ARPP21: variants seen among roughly 807,000 people sequenced by gnomAD.
The protein encoded by ARPP21 is cAMP-regulated phosphoprotein 21.
Under a neutral mutation model 113.2 loss-of-function variants are expected in ARPP21, and 69 were observed. That is an observed-to-expected ratio of 0.61 (90% confidence interval 0.50 to 0.74). ARPP21 has a LOEUF of 0.74. Among genes scored for constraint, ARPP21 ranks in the 30% least tolerant of loss-of-function variants. The pLI, the probability that ARPP21 is intolerant of heterozygous loss-of-function variation, is 0.00. For synonymous variants in ARPP21, 368 were observed against 375.5 expected, an observed-to-expected ratio of 0.98 and a Z score of 0.23; for missense variants, 1,070 against 1,037.4, an observed-to-expected ratio of 1.03 and a Z score of -0.43.
At chr3:35,674,564 G>A (rs940506562) in intron 1 of ARPP21, among the ~76,000 whole-genome samples, 3 of 151,774 alleles carry the variant, frequency 2.0e-5, no homozygotes, top group African/African-American at 7.3e-5. Context: ...ACTTTATCTG[G>A]GAATAATGCA....
intron 9 of ARPP21, among the ~76,000 whole-genome samples, chr3:35,701,602 T>C (rs1046183619): frequency 2.4e-4 from 37 of 151,718 alleles, no homozygotes; most frequent in Admixed American, 2.3e-3. Flanking sequence ...GCAATCTTTC[T>C]CTATAACATC....
At chr3:35,790,017 C>G (rs776942227) in intron 19 of ARPP21, among the ~76,000 whole-genome samples, 1 of 152,088 alleles carries the variant, frequency 6.6e-6, no homozygotes, top group African/African-American at 2.4e-5. Context: ...CTAAGCAACC[C>G]GCTTCTCTTT....
chr3:35,734,891 T>C (rs2094240832), intron 15 of ARPP21, among the ~76,000 whole-genome samples: 1 of 152,228 alleles, frequency 6.6e-6, no homozygotes, highest in African/African-American at 2.4e-5. Flanking sequence ...TGAAAATCAG[T>C]GTGACTTCAC....
At chr3:35,753,478 C>A (rs973163973) in intron 19 of ARPP21, among the ~76,000 whole-genome samples, 1 of 151,888 alleles carries the variant, frequency 6.6e-6, no homozygotes, top group Non-Finnish European at 1.5e-5. Context: ...TTCAGTTGTT[C>A]GGATGGCAGA....
chr3:35,704,463 G>T (rs1210148292), intron 9 of ARPP21, among the ~76,000 whole-genome samples: 1 of 151,732 alleles, frequency 6.6e-6, no homozygotes, highest in Non-Finnish European at 1.5e-5. Context: ...CCAAAACTAG[G>T]AAGGCCACGA....
At chr3:35,695,270 A>G (rs746650512) in intron 9 of ARPP21, among the ~76,000 whole-genome samples, 1 of 151,584 alleles carries the variant, frequency 6.6e-6, no homozygotes, top group East Asian at 1.9e-4. Flanking sequence ...AGGTTTCTGT[A>G]AATTACCTGA....
intron 18 of ARPP21, among the ~76,000 whole-genome samples, 161 bp from the exon 19 acceptor site, chr3:35,743,676 CTT>C (rs2094825552): frequency 6.6e-6 from 1 of 152,214 alleles, no homozygotes; most frequent in Non-Finnish European, 1.5e-5. Flanking sequence ...GATTTTGCCT[CTT>C]TACGGGAGAA....
chr3:35,746,329 G>A (rs546197940), intron 19 of ARPP21, among the ~76,000 whole-genome samples: 3 of 152,314 alleles, frequency 2.0e-5, no homozygotes, highest in South Asian at 2.1e-4. Flanking sequence ...GGGTCCTACA[G>A]CTGGGCGTCC....
chr3:35,737,280 C>T lies in ARPP21; in HGVS notation c.1562C>T (p.Pro521Leu), dbSNP rs774708704. 5.6e-6 allele frequency: 9 copies of T among 1,612,640 alleles called. No homozygotes were observed. The highest frequency in any genetic ancestry group is 3.3e-4 in the Middle Eastern group (2 of 6,060). ...SAMVGQSQQQ[P>L]PQQQPSPQPQ... ...ATGGTGGGGCAGTCCCAACAGCAGC[C>T]ACCACAGCAGCAGCCCTCCCCGCAG... The change falls in exon 16 of 21, where the codon CCA (proline) becomes CTA (leucine). Residue 521 changes from proline to leucine, a missense_variant. Coordinates refer to ENST00000684406, the MANE Select transcript of ARPP21 (RefSeq NM_001385562.1).
At chr3:35,690,799 TG>T in intron 8 of ARPP21, 65 bp from the exon 9 acceptor site, 1 of 1,448,532 alleles carries the variant, frequency 6.9e-7, no homozygotes, top group Non-Finnish European at 9.4e-7. Context: ...TGTGTATACT[TG>T]TAAAAAGGTA....
At chr3:35,760,540 T>TAA (rs371187130) in intron 19 of ARPP21, among the ~76,000 whole-genome samples, 20 of 143,832 alleles carry the variant, frequency 1.4e-4, no homozygotes, top group Admixed American at 1.0e-3. Flanking sequence ...AAGGAGGAGG[T>TAA]AAAAAAAAAA....
Position 35,756,840 on chromosome 3 carries a change from G to T in ARPP21, c.2137+12875G>T, listed in dbSNP as rs532180755. ...CAGATTAAAACCAAAAGCACACCTTGCAGAATGCAGGATATTGCAGTAGAA... is the reference window on the plus strand; with the variant it reads ...CAGATTAAAACCAAAAGCACACCTTTCAGAATGCAGGATATTGCAGTAGAA... On this transcript the variant is annotated intron_variant, in intron 19 of 20. Coordinates refer to ENST00000684406, the MANE Select transcript of ARPP21 (RefSeq NM_001385562.1). Among the ~76,000 whole-genome samples, 10 of 152,256 alleles carry T rather than the reference G, an allele frequency of 6.6e-5. No individual in the cohort carries two copies. The East Asian group carries it at 1.9e-3, about 29-fold the overall frequency.
chr3:35,714,523 G>A lies in ARPP21; in HGVS notation c.898-916G>A, dbSNP rs148344820. ...TTTATTCATCATTTGGAAAATCTAC[G>A]TATATAGCAGGATGTGTATTTATTT... On this transcript the variant is annotated intron_variant, in intron 11 of 20. Transcript: ENST00000684406. Among the ~76,000 whole-genome samples the A allele has an allele frequency of 3.6e-3, 550 of 152,196 alleles. 3 individuals are homozygous for A. Among genetic ancestry groups the A allele is most frequent in the African/African-American group, 0.012 (506 of 41,516 alleles).
At chr3:35,697,043 C>T (rs1431944145) in intron 9 of ARPP21, among the ~76,000 whole-genome samples, 1 of 151,538 alleles carries the variant, frequency 6.6e-6, no homozygotes, top group African/African-American at 2.4e-5. Flanking sequence ...AAGTGTTTTC[C>T]AAAAAGCCAA....
intron 19 of ARPP21, among the ~76,000 whole-genome samples, chr3:35,774,314 A>G (rs1361390657): frequency 2.6e-5 from 4 of 152,148 alleles, no homozygotes; most frequent in Admixed American, 6.5e-5. Flanking sequence ...TATGTGAGAC[A>G]AAATTTATAC....
intron 19 of ARPP21, among the ~76,000 whole-genome samples, chr3:35,771,466 C>A (rs1292582949): frequency 6.6e-6 from 1 of 151,916 alleles, no homozygotes; most frequent in Non-Finnish European, 1.5e-5. Flanking sequence ...GTAGCTGGGA[C>A]TACAGGCGCC....
intron 1 of ARPP21, among the ~76,000 whole-genome samples, chr3:35,657,428 CA>C (rs1705532037): frequency 6.6e-6 from 1 of 152,106 alleles, no homozygotes; most frequent in African/African-American, 2.4e-5. Flanking sequence ...CAGGTGATAT[CA>C]ATAAACATCT....
At chr3:35,774,260 C>A (rs1241669032) in intron 19 of ARPP21, among the ~76,000 whole-genome samples, 1 of 151,858 alleles carries the variant, frequency 6.6e-6, no homozygotes, top group Non-Finnish European at 1.5e-5. Context: ...AGAAAATTTC[C>A]CATATGATAA....
At chr3:35,642,247 T>C (rs933043260) in intron 1 of ARPP21, 1 of 152,114 alleles carries the variant, frequency 6.6e-6, no homozygotes, top group Admixed American at 6.5e-5. Context: ...TTGAGAACTG[T>C]GGTATTAGCC....
Sources: gnomAD v4.1 joint callset for allele counts (sites outside exome capture counted in the v4.1 genomes callset) on GRCh38, gnomAD v4.1.1 for gene constraint, MANE v1.5 for transcripts, NCBI Gene and HGNC (gene_info 2026-07-23, HGNC 2026-07-21) for gene names.